TMEM231: variants seen among roughly 807,000 people sequenced by gnomAD.
TMEM231 encodes transmembrane protein 231.
Under a neutral mutation model 38.5 loss-of-function variants are expected in TMEM231, and 40 were observed. That is an observed-to-expected ratio of 1.04 (90% CI 0.81 to 1.35). The LOEUF (loss-of-function observed/expected upper bound fraction) is 1.35, where lower values mean the gene tolerates loss of function less well. TMEM231 is among the 40% of genes most tolerant of loss of function. TMEM231 has a pLI of 0.00. For missense variants in TMEM231, 420 were observed against 416.9 expected, an observed-to-expected ratio of 1.01 and a Z score of -0.07; for synonymous variants, 199 against 181.7, an observed-to-expected ratio of 1.10 and a Z score of -0.77.
At chr16:75,546,776 G>A (rs945198602) in intron 2 of TMEM231, among the ~76,000 whole-genome samples, 6 of 152,158 alleles carry the variant, frequency 3.9e-5, no homozygotes, top group Non-Finnish European at 8.8e-5. Context: ...CTGAAACCAC[G>A]AGTGTCTTTG....
intron 2 of TMEM231, chr16:75,554,866 A>G (rs1277917625): frequency 6.6e-6 from 1 of 152,168 alleles, no homozygotes; most frequent in Admixed American, 6.5e-5. Context: ...AAAAGCCGCA[A>G]TGACTTTTGC....
intron 2 of TMEM231, among the ~76,000 whole-genome samples, chr16:75,548,946 T>C (rs2080724549): frequency 6.6e-6 from 1 of 152,152 alleles, no homozygotes; most frequent in Non-Finnish European, 1.5e-5. Context: ...GTTGGAGTCC[T>C]GAAGGAAGTG....
chr16:75,556,032 C>T, intron 1 of TMEM231, 39 bp downstream of exon 1: 3 of 1,567,742 alleles, frequency 1.9e-6, no homozygotes, highest in Non-Finnish European at 2.6e-6. Context: ...CCGAGCGCGC[C>T]CGGGGAGCCT....
intron 5 of TMEM231, 149 bp from the exon 6 acceptor site, chr16:75,541,604 C>T (rs1034962925): frequency 1.7e-5 from 8 of 467,814 alleles, no homozygotes; most frequent in Non-Finnish European, 3.1e-5. Flanking sequence ...ATGTGCAAAG[C>T]TGATCACACA....
intron 4 of TMEM231, among the ~76,000 whole-genome samples, chr16:75,543,633 C>T (rs1005223033): frequency 2.6e-5 from 4 of 152,092 alleles, no homozygotes; most frequent in Non-Finnish European, 5.9e-5. Context: ...AACCATACTT[C>T]CAACTCCTTT....
rs749559941 is a variant in TMEM231, at chr16:75,540,009, C to T, written c.936G>A (p.Lys312=). The stretch of plus-strand genomic sequence containing the variant: ...AATGGCCTTTCTAGGATAAGTGCTC[C>T]TTACACAAGTCTCCCCGGGGCGTCA... The part of the protein sequence containing the change: ...VTVTPRGDLC[K]EHLS The change falls in exon 7 of 7, where the codon AAG becomes AAA. Residue 312 remains lysine, a synonymous_variant. Coordinates refer to ENST00000258173, the MANE Select transcript of TMEM231 (RefSeq NM_001077418.3). The T allele has an allele frequency of 8.7e-6, 14 of 1,611,898 alleles. No homozygotes were observed. The highest frequency in any genetic ancestry group is 1.2e-5 in the Non-Finnish European group (14 of 1,178,998).
In TMEM231 at chr16:75,537,359, G is replaced by A. The variant is rs895074374; in HGVS notation, c.*2635C>T. On this transcript the variant is annotated 3_prime_UTR_variant, in exon 7 of 7. Coordinates refer to ENST00000258173, the MANE Select transcript of TMEM231 (RefSeq NM_001077418.3). ...ATGGAATATTAGGGGGGCCTCATCT[G>A]ACTTAAGCCGAAACTGTACTAATCA... The A allele has an allele frequency of 7.9e-5, 12 of 151,696 alleles. No individual in the cohort carries two copies. Among genetic ancestry groups the A allele is most frequent in the African/African-American group, 2.9e-4 (12 of 41,366 alleles). 9.4% of individuals were successfully genotyped at this position (151,696 alleles called of 1,614,324 possible). A position where few individuals can be genotyped will look rare whatever the true frequency, so the allele number is the denominator to read the frequency against.
In TMEM231 at chr16:75,544,498, G is replaced by A. The variant is rs996768378; in HGVS notation, c.582+854C>T. Among the ~76,000 whole-genome samples the A allele has an allele frequency of 2.6e-5, 4 of 152,124 alleles. No individual in the cohort carries two copies. The South Asian group carries it at 8.3e-4, about 31-fold the overall frequency. On this transcript the variant is annotated intron_variant, in intron 4 of 6. Transcript: ENST00000258173. ...GGGGGCTGGAAGGGAGCAAGCGGGG[G>A]CAGTGATGGGACAAGTGGCTGGAGT...
At chr16:75,555,308 C>G (rs2080798002) in intron 2 of TMEM231, 2 of 155,014 alleles carry the variant, frequency 1.3e-5, no homozygotes, top group African/African-American at 4.8e-5. Flanking sequence ...GGCCACAGCG[C>G]GTTCTGGGAA....
In TMEM231 at chr16:75,548,526, G is replaced by A. The variant is rs548458212; in HGVS notation, c.310-2572C>T. 2.0e-5 allele frequency among the ~76,000 whole-genome samples: 3 copies of A among 152,274 alleles called. No individual in the cohort carries two copies. In the South Asian group the frequency reaches 6.2e-4, roughly 32 times the overall value. The stretch of plus-strand genomic sequence containing the variant: ...AATGTAGAAAACAGTGACAAGTGCC[G>A]CTGACAGAAATGAAGCAGGCTAAAA... On this transcript the variant is annotated intron_variant, in intron 2 of 6. Coordinates refer to ENST00000258173, the MANE Select transcript of TMEM231 (RefSeq NM_001077418.3).
chr16:75,543,553 G>C (rs1281847351), intron 4 of TMEM231, among the ~76,000 whole-genome samples: 1 of 152,090 alleles, frequency 6.6e-6, no homozygotes, highest in Non-Finnish European at 1.5e-5. Context: ...CTGGGTGACA[G>C]AGCAAGACTC....
Position 75,540,018 on chromosome 16 carries a change from G to T in TMEM231, c.927C>A (p.Asp309Glu), listed in dbSNP as rs186119649. ...TIPVTVTPRG[D>E]LCKEHLS ...TCTAGGATAAGTGCTCCTTACACAA[G>T]TCTCCCCGGGGCGTCACTGTCACAG... is the stretch of plus-strand genomic sequence containing the variant. Residue 309 changes from aspartate (D) to glutamate (E), a missense_variant, in exon 7 of 7, where the codon GAC becomes GAA. Physicochemically the swap from Asp to Glu is conservative, Grantham distance 45. Coordinates refer to ENST00000258173, the MANE Select transcript of TMEM231 (RefSeq NM_001077418.3). 2.2e-3 allele frequency: 3,534 copies of T among 1,612,506 alleles called. 12 individuals are homozygous for T. The highest frequency in any genetic ancestry group is 2.6e-3 in the Non-Finnish European group (3,105 of 1,179,308).
rs1471098852 is a variant in TMEM231 at position 75,537,300 on chromosome 16, A to G, written c.*2694T>C. ...TACAATAAAAGTTGGAAGGAAAAAA[A>G]AAAAAGAAATAATTGCTTTATTAGC... On this transcript the variant is annotated 3_prime_UTR_variant, in exon 7 of 7. Coordinates refer to ENST00000258173, the MANE Select transcript of TMEM231 (RefSeq NM_001077418.3). The G allele has an allele frequency of 6.6e-6, 1 of 151,896 alleles. No homozygotes were observed. Among genetic ancestry groups the G allele is most frequent in the Non-Finnish European group, 1.5e-5 (1 of 68,004 alleles). 9.4% of individuals were successfully genotyped at this position (151,896 alleles called of 1,614,324 possible).
Position 75,555,973 on chromosome 16 carries a change from C to A in TMEM231, c.140G>T (p.Gly47Val), listed in dbSNP as rs2080806085. ...GTAGCTGCTCCGCTTCAGCCAAAACCCTGAGTTAAAGAGGGCGGTAGGGAG... is the reference window on the plus strand; with the variant it reads ...GTAGCTGCTCCGCTTCAGCCAAAACACTGAGTTAAAGAGGGCGGTAGGGAG... ...PPLLVAFRSH[G>V]FWLKRSSYEE... The change falls in exon 2 of 7, where the codon GGG becomes GTG. Residue 47 changes from glycine (G) to valine (V), a missense_variant and splice_region_variant. Physicochemically the swap from Gly to Val is moderately radical, Grantham distance 109 (BLOSUM62 -3). Transcript: ENST00000258173. The A allele has an allele frequency of 1.2e-6, 2 of 1,601,870 alleles. No homozygotes were observed. The highest frequency in any genetic ancestry group is 1.7e-6 in the Non-Finnish European group (2 of 1,174,604).
intron 2 of TMEM231, chr16:75,555,067 A>G (rs1238059134): frequency 6.6e-6 from 1 of 152,224 alleles, no homozygotes; most frequent in East Asian, 1.9e-4. Context: ...CAGAAGTTTC[A>G]TACTTCTAAA....
At chr16:75,540,718 C>A (rs895864897) in intron 6 of TMEM231, among the ~76,000 whole-genome samples, 6 of 152,162 alleles carry the variant, frequency 3.9e-5, no homozygotes, top group Non-Finnish European at 7.3e-5. Context: ...TTTCACATAA[C>A]CTTAGCATAA....
chr16:75,541,288 G>A, intron 6 of TMEM231, 62 bp downstream of exon 6: 2 of 1,311,338 alleles, frequency 1.5e-6, no homozygotes, highest in Admixed American at 4.7e-5. Context: ...CCAAAGTGCT[G>A]AAATTATAGG....
intron 2 of TMEM231, among the ~76,000 whole-genome samples, chr16:75,552,384 C>T (rs1396448910): frequency 6.6e-6 from 1 of 152,062 alleles, no homozygotes; most frequent in Non-Finnish European, 1.5e-5. Flanking sequence ...ACCTGGGGGG[C>T]GGAGGCTGCA....
intron 2 of TMEM231, among the ~76,000 whole-genome samples, chr16:75,550,267 G>C (rs551949928): frequency 6.6e-6 from 1 of 152,344 alleles, no homozygotes; most frequent in South Asian, 2.1e-4. Context: ...GAGGAAGCAT[G>C]CACTAGAGGG....
Sources: allele counts gnomAD v4.1 joint callset (sites outside exome capture counted in the v4.1 genomes callset), GRCh38; gene constraint gnomAD v4.1.1; transcripts MANE v1.5; gene names NCBI Gene and HGNC (gene_info 2026-07-23, HGNC 2026-07-21).